Variants in HECW1 observed in about 807,000 individuals in gnomAD.
HECW1 encodes the protein HECT, C2 and WW domain containing E3 ubiquitin protein ligase 1.
In HECW1, 61 loss-of-function variants were observed where a neutral mutation model predicts 182.3. That is an observed-to-expected ratio of 0.33 (90% CI 0.27 to 0.41). HECW1 has a LOEUF of 0.41. HECW1 is among the 10% of genes least tolerant of loss of function. The probability of loss-of-function intolerance (pLI) is 1.00; values close to 1 mark genes in which losing one functional copy is unlikely to be tolerated. For synonymous variants in HECW1, 859 were observed against 832.6 expected (o/e 1.03, Z -0.55); for missense variants, 1,739 against 2,108.9 (o/e 0.82, Z 3.44).
chr7:43,145,535 C>A (rs1485160781), intron 2 of HECW1, among the ~76,000 whole-genome samples: 4 of 152,198 alleles, frequency 2.6e-5, no homozygotes, highest in African/African-American at 9.6e-5. Context: ...TGGGCTCAAG[C>A]AATCCTCCCG....
chr7:43,286,841 G>T (rs1280745400), intron 3 of HECW1, among the ~76,000 whole-genome samples: 1 of 152,162 alleles, frequency 6.6e-6, no homozygotes, highest in African/African-American at 2.4e-5. Flanking sequence ...GCCTTTTGTT[G>T]AAGCACCCTG....
intron 24 of HECW1, among the ~76,000 whole-genome samples, chr7:43,533,507 A>G (rs2081068406): frequency 6.6e-6 from 1 of 152,162 alleles, no homozygotes; most frequent in Non-Finnish European, 1.5e-5. Context: ...GCATGGATGC[A>G]GTTATAGCAA....
intron 24 of HECW1, among the ~76,000 whole-genome samples, chr7:43,521,742 G>A (rs1448883044): frequency 6.6e-6 from 1 of 152,198 alleles, no homozygotes; most frequent in Non-Finnish European, 1.5e-5. Flanking sequence ...AGGCGTGGTG[G>A]CACATGTCTG....
chr7:43,380,414 G>A (rs2074498505), intron 6 of HECW1, among the ~76,000 whole-genome samples: 1 of 151,944 alleles, frequency 6.6e-6, no homozygotes, highest in South Asian at 2.1e-4. Flanking sequence ...AATCCATATC[G>A]TGCTGTAGTT....
intron 2 of HECW1, among the ~76,000 whole-genome samples, chr7:43,144,274 A>G (rs1788465561): frequency 6.6e-6 from 1 of 152,210 alleles, no homozygotes; most frequent in Non-Finnish European, 1.5e-5. Flanking sequence ...ACGGTATACA[A>G]TATCAATATG....
intron 6 of HECW1, among the ~76,000 whole-genome samples, chr7:43,366,994 G>C (rs1816733598): frequency 6.6e-6 from 1 of 152,120 alleles, no homozygotes; most frequent in Admixed American, 6.5e-5. Context: ...GTTATGTAAA[G>C]AACTGTCTCT....
intron 2 of HECW1, among the ~76,000 whole-genome samples, chr7:43,143,321 T>A (rs951972326): frequency 1.3e-5 from 2 of 152,038 alleles, no homozygotes; most frequent in African/African-American, 4.8e-5. Context: ...TCTCGCTCTG[T>A]CAATGATGCT....
At chr7:43,330,281 C>A (rs1811304119) in intron 5 of HECW1, among the ~76,000 whole-genome samples, 1 of 152,222 alleles carries the variant, frequency 6.6e-6, no homozygotes, top group African/African-American at 2.4e-5. Context: ...GGGAGAAGCC[C>A]TGGCTAGCTG....
At chr7:43,385,509 C>T (rs1308885730) in intron 6 of HECW1, among the ~76,000 whole-genome samples, 1 of 151,604 alleles carries the variant, frequency 6.6e-6, no homozygotes, top group East Asian at 1.9e-4. Context: ...GTCTGACTCA[C>T]ATGGTCTTGG....
intron 26 of HECW1, among the ~76,000 whole-genome samples, chr7:43,544,309 A>G (rs2081475757): frequency 2.0e-5 from 3 of 152,268 alleles, no homozygotes; most frequent in Admixed American, 2.0e-4. Flanking sequence ...AGAAATTATC[A>G]GTCAACAACC....
chr7:43,229,192 CTT>C (rs1350298090), intron 2 of HECW1, among the ~76,000 whole-genome samples: 1 of 152,156 alleles, frequency 6.6e-6, no homozygotes, highest in East Asian at 1.9e-4. Context: ...ATGTTGAAGT[CTT>C]TGCAATCAGC....
intron 3 of HECW1, among the ~76,000 whole-genome samples, chr7:43,261,277 T>TC (rs1443492576): frequency 6.6e-6 from 1 of 152,170 alleles, no homozygotes; most frequent in African/African-American, 2.4e-5. Context: ...TGCCTTTTTT[T>TC]CCCCTTAAAC....
At chr7:43,232,465 A>G (rs537754708) in intron 2 of HECW1, among the ~76,000 whole-genome samples, 71 of 152,278 alleles carry the variant, frequency 4.7e-4, no homozygotes, top group African/African-American at 1.6e-3. Context: ...ATACCCATAC[A>G]ATCTCAGTGG....
intron 2 of HECW1, among the ~76,000 whole-genome samples, chr7:43,173,606 C>T (rs1402437367): frequency 6.6e-6 from 1 of 152,142 alleles, no homozygotes; most frequent in Non-Finnish European, 1.5e-5. Context: ...CCCTCTCATG[C>T]GCAGTTCACA....
intron 8 of HECW1, among the ~76,000 whole-genome samples, chr7:43,407,983 C>T (rs1010239836): frequency 1.5e-4 from 23 of 152,126 alleles, no homozygotes; most frequent in Admixed American, 3.3e-4. Flanking sequence ...GAACCCATGC[C>T]GCGAGCAGGA....
At chr7:43,402,176 G>A (rs76872397) in intron 7 of HECW1, among the ~76,000 whole-genome samples, 9,749 of 152,076 alleles carry the variant, frequency 0.064, 400 homozygotes, top group East Asian at 0.22. Flanking sequence ...CTTCCTGGAC[G>A]CCAGACAAGG....
intron 2 of HECW1, among the ~76,000 whole-genome samples, chr7:43,175,094 T>G (rs1024212952): frequency 2.6e-5 from 4 of 152,106 alleles, no homozygotes; most frequent in Non-Finnish European, 5.9e-5. Flanking sequence ...TATTATGAAA[T>G]TTTTCTCTTT....
intron 3 of HECW1, among the ~76,000 whole-genome samples, chr7:43,249,775 A>G (rs1189066900): frequency 6.6e-6 from 1 of 152,226 alleles, no homozygotes; most frequent in Admixed American, 6.5e-5. Context: ...ATGCAGCCAC[A>G]GATGCCTCTC....
intron 3 of HECW1, among the ~76,000 whole-genome samples, chr7:43,250,261 C>T (rs754442712): frequency 6.6e-6 from 1 of 152,178 alleles, no homozygotes; most frequent in East Asian, 1.9e-4. Flanking sequence ...GCCTCATGAA[C>T]TACTCTGAAT....
Sources: gnomAD v4.1 joint callset for allele counts (sites outside exome capture counted in the v4.1 genomes callset) on GRCh38, gnomAD v4.1.1 for gene constraint, MANE v1.5 for transcripts, NCBI Gene and HGNC (gene_info 2026-07-23, HGNC 2026-07-21) for gene names.